WHRN: variants seen among roughly 807,000 people sequenced by gnomAD.
The protein encoded by WHRN is whirlin.
Under a neutral mutation model 68.3 loss-of-function variants are expected in WHRN, and 41 were observed. The observed-to-expected ratio is 0.60, with a 90% CI of 0.47 to 0.78. WHRN has a LOEUF of 0.78. Among genes scored for constraint, WHRN ranks in the 30% least tolerant of loss-of-function variants. The pLI is 0.00. For synonymous variants in WHRN, 560 were observed against 561.3 expected (o/e 1.00, Z 0.03); for missense variants, 1,243 against 1,244.7 (o/e 1.00, Z 0.02).
In WHRN at chr9:114,407,985, C is replaced by T. The variant is rs1835158679; in HGVS notation, c.1660G>A (p.Val554Ile). ...GGGAGGGCGTTGATATTGCCCTGGACAGCCTCGCCAGTTTCCTCCAGGTCC... is the reference window on the plus strand; with the variant it reads ...GGGAGGGCGTTGATATTGCCCTGGATAGCCTCGCCAGTTTCCTCCAGGTCC... ...TLDLEETGEA[V>I]QGNINALPDV... The change falls in exon 8 of 12, where the codon GTC becomes ATC. Residue 554 changes from valine to isoleucine, a missense_variant. Coordinates refer to ENST00000362057, the MANE Select transcript of WHRN (RefSeq NM_015404.4). 2 of 1,604,362 alleles carry T rather than the reference C, an allele frequency of 1.2e-6. No homozygotes were observed. Among genetic ancestry groups the T allele is most frequent in the African/African-American group, 1.3e-5 (1 of 74,700 alleles).
At chr9:114,438,598 G>A (rs1457178500) in intron 3 of WHRN, among the ~76,000 whole-genome samples, 3 of 151,826 alleles carry the variant, frequency 2.0e-5, no homozygotes, top group East Asian at 2.0e-4. Context: ...GACTACAGGT[G>A]CCCGCCACCA....
chr9:114,468,874 G>T (rs1280740872), intron 2 of WHRN, among the ~76,000 whole-genome samples: 2 of 152,190 alleles, frequency 1.3e-5, no homozygotes, highest in Non-Finnish European at 2.9e-5. Flanking sequence ...GGGCACCTGG[G>T]TTCAAGGCCC....
At chr9:114,422,877 C>T (rs1371768217) in intron 7 of WHRN, among the ~76,000 whole-genome samples, 1 of 152,086 alleles carries the variant, frequency 6.6e-6, no homozygotes, top group Non-Finnish European at 1.5e-5. Context: ...GCTCCAGAGA[C>T]AAAAGGGTGG....
chr9:114,500,720 A>AATTTG (rs1268789611), intron 1 of WHRN, among the ~76,000 whole-genome samples: 1 of 152,142 alleles, frequency 6.6e-6, no homozygotes, highest in Non-Finnish European at 1.5e-5. Flanking sequence ...TGAGCAAGTG[A>AATTTG]ATTTGATTTT....
chr9:114,452,401 A>G (rs1354622367), intron 3 of WHRN, among the ~76,000 whole-genome samples: 1 of 152,248 alleles, frequency 6.6e-6, no homozygotes, highest in African/African-American at 2.4e-5. Context: ...ACGCAAATTC[A>G]GGGTTATAGG....
chr9:114,407,836 T>C, intron 8 of WHRN, 111 bp downstream of exon 8: 1 of 893,584 alleles, frequency 1.1e-6, no homozygotes, highest in Non-Finnish European at 1.8e-6. Context: ...GAGGCCTCTG[T>C]CTCCTTTGCC....
chr9:114,496,324 A>G (rs1489287539), intron 1 of WHRN, among the ~76,000 whole-genome samples: 1 of 152,208 alleles, frequency 6.6e-6, no homozygotes, highest in Non-Finnish European at 1.5e-5. Context: ...ACAGAATTCT[A>G]TTCAACCACC....
At chr9:114,472,615 T>C (rs1841330623) in intron 2 of WHRN, among the ~76,000 whole-genome samples, 1 of 151,968 alleles carries the variant, frequency 6.6e-6, no homozygotes, top group Admixed American at 6.6e-5. Context: ...CCCGTTACGG[T>C]CCCCCCACAA....
At chr9:114,418,157 C>T (rs2132299263) in intron 7 of WHRN, among the ~76,000 whole-genome samples, 1 of 152,324 alleles carries the variant, frequency 6.6e-6, no homozygotes, top group South Asian at 2.1e-4. Context: ...ACAGTCCCCA[C>T]CGGCAGGAAG....
intron 1 of WHRN, among the ~76,000 whole-genome samples, chr9:114,483,462 A>G (rs1337785849): frequency 6.6e-6 from 1 of 152,168 alleles, no homozygotes; most frequent in African/African-American, 2.4e-5. Flanking sequence ...TTCCTAAACA[A>G]AGCTGGTCAT....
At chr9:114,459,233 G>C (rs931616547) in intron 3 of WHRN, among the ~76,000 whole-genome samples, 1 of 152,032 alleles carries the variant, frequency 6.6e-6, no homozygotes, top group South Asian at 2.1e-4. Context: ...CAAGGCGGGC[G>C]GATCACTTGA....
chr9:114,503,036 T>C (rs948710862), intron 1 of WHRN: 5 of 765,546 alleles, frequency 6.5e-6, no homozygotes, highest in African/African-American at 5.6e-5. Context: ...TCCAAAGGGG[T>C]TGATGGGCTG....
intron 4 of WHRN, chr9:114,425,586 G>GACACACACACATAC (rs1554719364): frequency 1.3e-5 from 2 of 153,062 alleles, no homozygotes; most frequent in African/African-American, 5.5e-5. Context: ...GGAAGGGGGA[G>GACACACACACATAC]ACACACACAC....
chr9:114,426,128 G>A (rs760245902), intron 4 of WHRN, 83 bp downstream of exon 4: 36 of 1,575,340 alleles, frequency 2.3e-5, no homozygotes, highest in African/African-American at 1.9e-4. Flanking sequence ...GAGCCAGGGC[G>A]GTGGAGGGAT....
intron 3 of WHRN, among the ~76,000 whole-genome samples, chr9:114,438,609 C>G (rs374039944): frequency 6.6e-6 from 1 of 151,904 alleles, no homozygotes; most frequent in Non-Finnish European, 1.5e-5. Flanking sequence ...CCCGCCACCA[C>G]GCCCAGCTAA....
At chr9:114,407,195 A>C (rs1181448917) in intron 8 of WHRN, among the ~76,000 whole-genome samples, 3 of 152,200 alleles carry the variant, frequency 2.0e-5, no homozygotes, top group African/African-American at 7.2e-5. Flanking sequence ...TAGAGACACG[A>C]TGAAGAGGAT....
At chr9:114,486,519 G>A (rs1323570710) in intron 1 of WHRN, among the ~76,000 whole-genome samples, 2 of 152,090 alleles carry the variant, frequency 1.3e-5, no homozygotes, top group African/African-American at 2.4e-5. Flanking sequence ...TTCATTCATC[G>A]TTGAACAAGA....
At chr9:114,437,153 C>G (rs1214391036) in intron 3 of WHRN, among the ~76,000 whole-genome samples, 1 of 151,992 alleles carries the variant, frequency 6.6e-6, no homozygotes, top group Non-Finnish European at 1.5e-5. Flanking sequence ...AAAGGTGGCA[C>G]TACAAATCAC....
chr9:114,470,003 A>G (rs1237612047), intron 2 of WHRN, among the ~76,000 whole-genome samples: 1 of 152,110 alleles, frequency 6.6e-6, no homozygotes, highest in Admixed American at 6.5e-5. Flanking sequence ...CCTCCTGATT[A>G]CATCTTGCAA....
Sources: gnomAD v4.1 joint callset for allele counts (sites outside exome capture counted in the v4.1 genomes callset) on GRCh38, gnomAD v4.1.1 for gene constraint, MANE v1.5 for transcripts, NCBI Gene and HGNC (gene_info 2026-07-23, HGNC 2026-07-21) for gene names.